Variants in MAX observed in about 807,000 individuals in gnomAD.
MAX encodes MYC associated transcriptional regulator X, also known as protein max.
In MAX, 3 loss-of-function variants were observed where a neutral mutation model predicts 22.3. The ratio of observed to expected loss-of-function variants is 0.13; its 90% CI spans 0.06 to 0.35. The LOEUF is 0.35. Ranked by LOEUF, MAX falls within the 10% of genes least tolerant of loss-of-function variation. The pLI is 1.00. For synonymous variants in MAX, 72 were observed against 77.7 expected, an observed-to-expected ratio of 0.93 and a Z score of 0.39; for missense variants, 119 against 209.4, an observed-to-expected ratio of 0.57 and a Z score of 2.66.
intron 3 of MAX, among the ~76,000 whole-genome samples, chr14:65,042,263 T>C (rs1025539261): frequency 3.3e-5 from 5 of 152,194 alleles, no homozygotes; most frequent in Non-Finnish European, 7.3e-5. Flanking sequence ...ATTTCTATTA[T>C]TACACTGTAA....
chr14:65,058,911 TAAGA>T (rs888422252), intron 3 of MAX, among the ~76,000 whole-genome samples: 10 of 152,224 alleles, frequency 6.6e-5, no homozygotes, highest in African/African-American at 2.2e-4. Flanking sequence ...TGTACATTCA[TAAGA>T]AAGATTGATC....
At chr14:65,025,256 G>A (rs768016056) in intron 3 of MAX, among the ~76,000 whole-genome samples, 1 of 152,144 alleles carries the variant, frequency 6.6e-6, no homozygotes, top group Non-Finnish European at 1.5e-5. Flanking sequence ...GTAGTGTTGC[G>A]TTCGGCACGA....
rs2063115667 is a variant in MAX at position 65,078,330 on chromosome 14, T to C, written c.172-294A>G. Reference sequence around the variant, plus strand: ...GATTCTCCTGCCTCAGCCTCCTGAGTAGCTAGGATTATAGGTGTGCGCCAC... The same window carrying C: ...GATTCTCCTGCCTCAGCCTCCTGAGCAGCTAGGATTATAGGTGTGCGCCAC... On this transcript the variant is annotated intron_variant, in intron 3 of 4. Coordinates refer to ENST00000358664, the MANE Select transcript of MAX (RefSeq NM_002382.5). This position sits in a 1 kb window ranked among gnomAD's most constrained non-coding sequence, Gnocchi z 6.4. Among the ~76,000 whole-genome samples the C allele has an allele frequency of 1.3e-5, 2 of 151,878 alleles. No individual in the cohort carries two copies. The highest frequency in any genetic ancestry group is 2.4e-5 in the African/African-American group (1 of 41,336).
Position 65,027,006 on chromosome 14 carries a change from G to T in MAX, c.172-20722C>A, listed in dbSNP as rs1427501892. On this transcript the variant is annotated intron_variant, in intron 3 of 3. Transcript: ENST00000341653. This position sits in a 1 kb window ranked among gnomAD's most constrained non-coding sequence, Gnocchi z 5.7. Reference sequence around the variant, plus strand: ...CTAGGTGATGGATCCTGACTAGGATGGTTAGTGTGGAAAGAAGCAGTTGAG... The same window carrying T: ...CTAGGTGATGGATCCTGACTAGGATTGTTAGTGTGGAAAGAAGCAGTTGAG... 1.3e-5 allele frequency among the ~76,000 whole-genome samples: 2 copies of T among 152,148 alleles called. No homozygotes were observed. The highest frequency in any genetic ancestry group is 4.1e-4 in the South Asian group (2 of 4,830).
intron 2 of MAX, among the ~76,000 whole-genome samples, chr14:65,096,067 T>G (rs1425953316): frequency 2.0e-5 from 3 of 152,164 alleles, no homozygotes; most frequent in Non-Finnish European, 2.9e-5. Flanking sequence ...AGCAGAAATC[T>G]TGGCTTCTCA....
At chr14:65,068,218 T>G (rs1410832319) in intron 3 of MAX, among the ~76,000 whole-genome samples, 2 of 152,082 alleles carry the variant, frequency 1.3e-5, no homozygotes, top group Non-Finnish European at 2.9e-5. Context: ...GTGGATCACT[T>G]GAGGTCAGGA....
chr14:65,017,911 C>T (rs753707180), intron 3 of MAX, among the ~76,000 whole-genome samples: 54 of 152,066 alleles, frequency 3.6e-4, no homozygotes, highest in African/African-American at 1.0e-3. Flanking sequence ...GTCGAGATTG[C>T]GCCTTTGCAC....
intron 1 of MAX, 117 bp downstream of exon 1, chr14:65,102,187 G>C (rs998700385): frequency 6.5e-7 from 1 of 1,545,438 alleles, no homozygotes; most frequent in African/African-American, 1.4e-5. Flanking sequence ...TGGCCCCGAG[G>C]GGAAGGGGAA....
At chr14:65,073,915 G>A (rs1053461533), downstream of MAX, among the ~76,000 whole-genome samples, 12 of 152,206 alleles carry the variant, frequency 7.9e-5, no homozygotes, top group Non-Finnish European at 1.2e-4. Flanking sequence ...CCCCTTGTCT[G>A]AACTGGTTTA....
Position 65,075,755 on chromosome 14 carries a change from T to C in MAX, c.*721A>G, listed in dbSNP as rs767195877. On this transcript the variant is annotated 3_prime_UTR_variant, in exon 5 of 5. Transcript: ENST00000358664. The surrounding 1 kb of genome is among the most constrained non-coding windows in gnomAD (Gnocchi z 4.1). ...TCCCTGGTGGCTGCTGCTTCACTGC[T>C]GCCATCTCCCATACATACCACGAGA... is the stretch of plus-strand genomic sequence containing the variant. 26 of 1,066,194 alleles carry C rather than the reference T, an allele frequency of 2.4e-5. No individual in the cohort carries two copies. Among genetic ancestry groups the C allele is most frequent in the Non-Finnish European group, 2.6e-5 (23 of 879,706 alleles). 66.0% of individuals were successfully genotyped at this position (1,066,194 alleles called of 1,614,324 possible).
At chr14:65,053,415 GGC>G in intron 3 of MAX, 1 of 1,254,972 alleles carries the variant, frequency 8.0e-7, no homozygotes, top group Non-Finnish European at 1.0e-6. Context: ...GTGCACCTCA[GGC>G]CTACTCAGAG....
chr14:65,025,726 G>A (rs538316932), intron 3 of MAX, among the ~76,000 whole-genome samples: 1 of 152,242 alleles, frequency 6.6e-6, no homozygotes, highest in African/African-American at 2.4e-5. Context: ...GAGGTGGGAG[G>A]ATAGCTTGAG....
In MAX at chr14:65,034,657, TTG is replaced by T. The variant is rs573541944; in HGVS notation, c.172-28375_172-28374del. On this transcript the variant is annotated intron_variant, in intron 3 of 3. Transcript: ENST00000341653. ...CCTGTGTTTGGTTCTCTTTTATATT[TTG>T]TGTTTCTCAGCTGAGATTTTCCATC... 1.9e-4 allele frequency among the ~76,000 whole-genome samples: 29 copies of T among 152,332 alleles called. 1 individual carries two copies. The South Asian group carries it at 4.8e-3, about 25-fold the overall frequency.
intron 3 of MAX, among the ~76,000 whole-genome samples, chr14:65,034,016 C>T (rs1170117924): frequency 1.1e-4 from 16 of 152,070 alleles, no homozygotes; most frequent in Non-Finnish European, 1.5e-5. Flanking sequence ...ATGCTGAGAT[C>T]ATGTTTACTT....
intron 3 of MAX, among the ~76,000 whole-genome samples, chr14:65,035,674 C>T (rs912465073): frequency 5.3e-5 from 8 of 151,076 alleles, no homozygotes; most frequent in Non-Finnish European, 5.9e-5. Flanking sequence ...GGACAACAAG[C>T]GCGTGCCACC....
At chr14:65,026,551 G>A (rs560908604) in intron 3 of MAX, among the ~76,000 whole-genome samples, 33 of 152,310 alleles carry the variant, frequency 2.2e-4, no homozygotes, top group Non-Finnish European at 1.5e-5. Context: ...AGCCATGGAA[G>A]CAGGCTCCAT....
At chr14:65,060,870 CA>C (rs58241887) in intron 3 of MAX, among the ~76,000 whole-genome samples, 1,913 of 79,478 alleles carry the variant, frequency 0.024, 1 homozygote, top group Middle Eastern at 0.039. Flanking sequence ...AAGACTCTCT[CA>C]AAAAAAAAAA....
chr14:65,035,713 T>C (rs145343493), intron 3 of MAX, among the ~76,000 whole-genome samples: 1 of 151,698 alleles, frequency 6.6e-6, no homozygotes. Context: ...AAAAAAAAAT[T>C]TGTAGAGATG....
chr14:65,006,691 A>G (rs1595003367), intron 3 of MAX, among the ~76,000 whole-genome samples: 1 of 152,208 alleles, frequency 6.6e-6, no homozygotes, highest in African/African-American at 2.4e-5. Context: ...TGTTTCTCAC[A>G]TGAACCTTTG....
Sources: allele counts gnomAD v4.1 joint callset (sites outside exome capture counted in the v4.1 genomes callset), GRCh38; gene constraint gnomAD v4.1.1; non-coding constraint Gnocchi (gnomAD v3.1); transcripts MANE v1.5; gene names NCBI Gene and HGNC (gene_info 2026-07-23, HGNC 2026-07-21).